The following GMDS variants were observed in gnomAD, a reference collection of about 807,000 sequenced individuals.
GMDS encodes GDP-mannose 4,6-dehydratase.
A neutral mutation model predicts 49.9 loss-of-function variants in GMDS; 20 were observed. That is an observed-to-expected ratio of 0.40 (90% CI 0.28 to 0.58). The LOEUF (loss-of-function observed/expected upper bound fraction) is 0.58. Among genes scored for constraint, GMDS ranks in the 20% least tolerant of loss-of-function variants. GMDS has a pLI of 0.42. For synonymous variants in GMDS, 177 were observed against 178.6 expected, an observed-to-expected ratio of 0.99 and a Z score of 0.07; for missense variants, 362 against 481.4, an observed-to-expected ratio of 0.75 and a Z score of 2.32.
At chr6:2,101,800 G>A (rs1194085978) in intron 4 of GMDS, among the ~76,000 whole-genome samples, 5 of 151,838 alleles carry the variant, frequency 3.3e-5, no homozygotes, top group Non-Finnish European at 7.4e-5. Context: ...AACATACTTC[G>A]TGATTACATG....
At position 1,705,062 on chromosome 6, in the gene GMDS, A is replaced by G. The variant is rs183086136; in HGVS notation, c.987+21354T>C. Among the ~76,000 whole-genome samples, 881 of 152,358 alleles carry G rather than the reference A, an allele frequency of 5.8e-3. 6 individuals are homozygous for G. The highest frequency in any genetic ancestry group is 8.2e-3 in the Non-Finnish European group (559 of 68,040). On this transcript the variant is annotated intron_variant, in intron 9 of 10. Coordinates refer to ENST00000380815, the MANE Select transcript of GMDS (RefSeq NM_001500.4). ...ATACTAGTTCTATAGATAATTATTA[A>G]ATACCACTAAACGACAAAGCGATGA...
chr6:2,166,637 T>C (rs1435615408), intron 1 of GMDS, among the ~76,000 whole-genome samples: 1 of 152,166 alleles, frequency 6.6e-6, no homozygotes, highest in Non-Finnish European at 1.5e-5. Context: ...AAGATTTATG[T>C]GAAGAAAGAT....
chr6:1,646,585 T>C (rs111437315), intron 9 of GMDS, among the ~76,000 whole-genome samples: 3,087 of 152,150 alleles, frequency 0.02, 86 homozygotes, highest in African/African-American at 0.069. Context: ...ATTTTTGCCA[T>C]GTTGCCCGGG....
At position 2,038,583 on chromosome 6, in the gene GMDS, CA is replaced by C. The variant is rs60625263; in HGVS notation, c.345+77187del. ...AACAAATATATATTTTAAAACACTGCAAAAAAAAACAGCTCTTCATATAACT... is the reference window on the plus strand; with the variant it reads ...AACAAATATATATTTTAAAACACTGCAAAAAAAACAGCTCTTCATATAACT... On this transcript the variant is annotated intron_variant, in intron 4 of 10. Coordinates refer to ENST00000380815, the MANE Select transcript of GMDS (RefSeq NM_001500.4). Among the ~76,000 whole-genome samples, 9 of 150,466 alleles carry C rather than the reference CA, an allele frequency of 6.0e-5. No individual in the cohort carries two copies. The East Asian group carries it at 1.2e-3, about 20-fold the overall frequency.
chr6:2,021,197 G>C (rs1468648765), intron 4 of GMDS, among the ~76,000 whole-genome samples: 1 of 152,178 alleles, frequency 6.6e-6, no homozygotes, highest in Non-Finnish European at 1.5e-5. Flanking sequence ...TTAAGTATTT[G>C]AAAAGGGCCA....
At chr6:2,241,952 A>C (rs1026022028) in intron 1 of GMDS, among the ~76,000 whole-genome samples, 3 of 152,344 alleles carry the variant, frequency 2.0e-5, no homozygotes, top group African/African-American at 7.2e-5. Flanking sequence ...CTAATGGAAA[A>C]AGTAAGTCAA....
chr6:2,150,728 G>C lies in GMDS; in HGVS notation c.103-25997C>G, dbSNP rs544963604. On this transcript the variant is annotated intron_variant, in intron 1 of 10. Transcript: ENST00000380815. ...ATGGGGTGTTTCTGCAAACTTTGAA[G>C]ATTTTGGCCATAAACTGAGTTCTAA... Among the ~76,000 whole-genome samples the C allele has an allele frequency of 6.6e-5, 10 of 152,254 alleles. No homozygotes were observed. The South Asian group carries it at 2.1e-3, about 32-fold the overall frequency.
chr6:2,084,494 C>T (rs1418585462), intron 4 of GMDS, among the ~76,000 whole-genome samples: 1 of 152,040 alleles, frequency 6.6e-6, no homozygotes, highest in Non-Finnish European at 1.5e-5. Context: ...ATAAAATAAT[C>T]TAAATAAAAC....
At chr6:1,662,876 T>C (rs1031888415) in intron 9 of GMDS, among the ~76,000 whole-genome samples, 4 of 152,178 alleles carry the variant, frequency 2.6e-5, no homozygotes, top group Admixed American at 6.5e-5. Context: ...TTAAAGTTTG[T>C]TGAATAAAGA....
At chr6:1,997,042 T>C (rs1353576117) in intron 4 of GMDS, among the ~76,000 whole-genome samples, 1 of 152,036 alleles carries the variant, frequency 6.6e-6, no homozygotes, top group African/African-American at 2.4e-5. Context: ...TGGTATTTCC[T>C]AGTGGGCTGA....
chr6:1,764,721 G>A (rs879436667), intron 7 of GMDS, among the ~76,000 whole-genome samples: 3 of 152,144 alleles, frequency 2.0e-5, no homozygotes, highest in Non-Finnish European at 4.4e-5. Context: ...GCATTTTTCA[G>A]AGCATGAATT....
chr6:1,853,823 C>G (rs1757822719), intron 7 of GMDS, among the ~76,000 whole-genome samples: 1 of 152,186 alleles, frequency 6.6e-6, no homozygotes, highest in Non-Finnish European at 1.5e-5. Flanking sequence ...ATCAAACTTA[C>G]TTATTCATTG....
At chr6:1,828,376 A>G (rs539744563) in intron 7 of GMDS, among the ~76,000 whole-genome samples, 6 of 152,332 alleles carry the variant, frequency 3.9e-5, no homozygotes, top group Non-Finnish European at 8.8e-5. Context: ...CAGAAAGTGT[A>G]TTTGAAGAAG....
intron 9 of GMDS, among the ~76,000 whole-genome samples, chr6:1,647,558 T>G (rs1020248223): frequency 1.3e-5 from 2 of 152,188 alleles, no homozygotes; most frequent in African/African-American, 2.4e-5. Context: ...AAATAGGTAC[T>G]AGACTCTGAA....
At chr6:2,066,849 G>C (rs1235233178) in intron 4 of GMDS, among the ~76,000 whole-genome samples, 8 of 151,900 alleles carry the variant, frequency 5.3e-5, no homozygotes, top group Admixed American at 1.3e-4. Flanking sequence ...ACATTAGACA[G>C]ATCAACGAGA....
chr6:1,687,870 G>T (rs1469460959), intron 9 of GMDS, among the ~76,000 whole-genome samples: 1 of 152,096 alleles, frequency 6.6e-6, no homozygotes, highest in East Asian at 1.9e-4. Context: ...GCGGGGTGAG[G>T]TTGGGGCGGG....
intron 9 of GMDS, among the ~76,000 whole-genome samples, chr6:1,696,485 G>A (rs560611604): frequency 4.8e-4 from 73 of 152,304 alleles, no homozygotes; most frequent in African/African-American, 1.7e-3. Flanking sequence ...TCCTCGAGTT[G>A]ATGTGCCAAA....
At chr6:1,985,176 C>T (rs569338579) in intron 4 of GMDS, among the ~76,000 whole-genome samples, 1 of 152,336 alleles carries the variant, frequency 6.6e-6, no homozygotes, top group Admixed American at 6.5e-5. Flanking sequence ...ACACAAGGGT[C>T]TGCTCCAGAT....
intron 7 of GMDS, among the ~76,000 whole-genome samples, chr6:1,762,210 C>T (rs1387181426): frequency 1.3e-5 from 2 of 152,224 alleles, no homozygotes; most frequent in Non-Finnish European, 2.9e-5. Context: ...TCTGCCTCCA[C>T]AAAGTTGAAG....
Sources: gnomAD v4.1 joint callset for allele counts (sites outside exome capture counted in the v4.1 genomes callset) on GRCh38, gnomAD v4.1.1 for gene constraint, MANE v1.5 for transcripts, NCBI Gene and HGNC (gene_info 2026-07-23, HGNC 2026-07-21) for gene names.